CADPS2: variants seen among roughly 807,000 people sequenced by gnomAD.
CADPS2 encodes calcium dependent secretion activator 2, also known as calcium-dependent secretion activator 2.
CADPS2 carries 93 observed loss-of-function variants against 172.5 expected under a neutral mutation model. The observed-to-expected ratio is 0.54, with a 90% CI of 0.46 to 0.64. CADPS2 has a LOEUF of 0.64. CADPS2 is among the 30% of genes least tolerant of loss of function. The probability of loss-of-function intolerance (pLI) is 0.00; values close to 1 mark genes in which losing one functional copy is unlikely to be tolerated. For synonymous variants in CADPS2, 546 were observed against 555.2 expected (o/e 0.98, Z 0.23); for missense variants, 1,420 against 1,565.9 (o/e 0.91, Z 1.57).
chr7:122,624,655 CTTCCT>C (rs1439528111), intron 4 of CADPS2, among the ~76,000 whole-genome samples: 2 of 152,230 alleles, frequency 1.3e-5, no homozygotes, highest in Non-Finnish European at 2.9e-5. Flanking sequence ...GGTATTCTCT[CTTCCT>C]TTCAATTCAA....
At chr7:122,437,805 AAAG>A (rs1563336761) in intron 17 of CADPS2, among the ~76,000 whole-genome samples, 2 of 131,832 alleles carry the variant, frequency 1.5e-5, no homozygotes. Context: ...AAGCCTGAAG[AAAG>A]AAAAAAAAAA....
chr7:122,874,202 G>C (rs780400777), intron 1 of CADPS2, among the ~76,000 whole-genome samples: 61 of 152,184 alleles, frequency 4.0e-4, no homozygotes, highest in Non-Finnish European at 4.1e-4. Context: ...TGTTGACATT[G>C]CTTTTGGTGT....
rs971301172 is a variant in CADPS2 at position 122,613,386 on chromosome 7, G to A, written c.1223+1795C>T. ...ATGGCACTTGATACTGGCATTGCACGTCAGGCAAGAAAATTGTAATGGTGC... is the reference window on the plus strand; with the variant it reads ...ATGGCACTTGATACTGGCATTGCACATCAGGCAAGAAAATTGTAATGGTGC... On this transcript the variant is annotated intron_variant, in intron 6 of 29. Transcript: ENST00000449022. Among the ~76,000 whole-genome samples the A allele has an allele frequency of 3.0e-4, 46 of 152,016 alleles. 1 individual carries two copies. Among genetic ancestry groups the A allele is most frequent in the African/African-American group, 4.8e-4 (20 of 41,406 alleles).
At chr7:122,541,832 CAT>C (rs5887098) in intron 8 of CADPS2, among the ~76,000 whole-genome samples, 10,634 of 91,382 alleles carry the variant, frequency 0.12, 494 homozygotes, top group African/African-American at 0.13. Context: ...TTTATATATT[CAT>C]ATGTTTATAT....
chr7:122,840,610 G>A (rs886245786), intron 1 of CADPS2, among the ~76,000 whole-genome samples: 8 of 150,256 alleles, frequency 5.3e-5, no homozygotes, highest in Non-Finnish European at 8.9e-5. Context: ...AGGGTAGGCC[G>A]AATTACCAAA....
At chr7:122,748,467 C>G (rs1022883961) in intron 1 of CADPS2, among the ~76,000 whole-genome samples, 15 of 152,106 alleles carry the variant, frequency 9.9e-5, no homozygotes, top group African/African-American at 3.6e-4. Context: ...ATTCCGACAG[C>G]CTCAGGAGCA....
chr7:122,410,977 T>G (rs2047234928), intron 19 of CADPS2, among the ~76,000 whole-genome samples: 1 of 152,154 alleles, frequency 6.6e-6, no homozygotes, highest in Non-Finnish European at 1.5e-5. Context: ...AGTCATACAG[T>G]TGGTAGATAA....
chr7:122,405,797 A>G (rs1205935642), intron 20 of CADPS2, among the ~76,000 whole-genome samples: 1 of 152,226 alleles, frequency 6.6e-6, no homozygotes, highest in African/African-American at 2.4e-5. Flanking sequence ...GTAAGCTTAT[A>G]ATAGCATCTT....
At chr7:122,779,066 C>A (rs2093967960) in intron 1 of CADPS2, among the ~76,000 whole-genome samples, 1 of 152,200 alleles carries the variant, frequency 6.6e-6, no homozygotes. Flanking sequence ...TCTTGTCTGC[C>A]ACCACGTAAG....
chr7:122,655,541 A>G (rs2079643176), intron 3 of CADPS2, among the ~76,000 whole-genome samples: 1 of 152,156 alleles, frequency 6.6e-6, no homozygotes, highest in South Asian at 2.1e-4. Flanking sequence ...TTTTAAACAT[A>G]ATTCTATTAT....
intron 11 of CADPS2, among the ~76,000 whole-genome samples, chr7:122,481,284 C>G (rs1563463233): frequency 6.6e-6 from 1 of 151,424 alleles, no homozygotes; most frequent in Non-Finnish European, 1.5e-5. Context: ...GAGGTCTGCC[C>G]TGATTTAAAA....
intron 1 of CADPS2, among the ~76,000 whole-genome samples, chr7:122,873,661 T>C (rs1056016516): frequency 2.0e-5 from 3 of 152,210 alleles, no homozygotes; most frequent in East Asian, 1.9e-4. Flanking sequence ...AGTATAATGA[T>C]TTATAATCCT....
At chr7:122,398,521 C>A (rs1256312214) in intron 20 of CADPS2, among the ~76,000 whole-genome samples, 2 of 152,120 alleles carry the variant, frequency 1.3e-5, no homozygotes, top group African/African-American at 4.8e-5. Context: ...AATCAACAGA[C>A]TTTGCCATAA....
At chr7:122,451,294 T>C in intron 15 of CADPS2, 80 bp downstream of exon 15, 1 of 643,382 alleles carries the variant, frequency 1.6e-6, no homozygotes. Flanking sequence ...AGTAGAATGA[T>C]ATAATAAACA....
rs574509259 is a variant in CADPS2 at position 122,482,142 on chromosome 7, G to A, written c.1853-1282C>T. ...TAGCCACGAGCTCAACACATTCCTC[G>A]GGCATTCCTTGCACTCAGGATGTTA... On this transcript the variant is annotated intron_variant, in intron 11 of 29. Transcript: ENST00000449022. Among the ~76,000 whole-genome samples, 287 of 152,106 alleles carry A rather than the reference G, an allele frequency of 1.9e-3. 2 individuals carry two copies. Among genetic ancestry groups the A allele is most frequent in the African/African-American group, 6.4e-3 (267 of 41,472 alleles).
chr7:122,575,744 T>C (rs1206858151), intron 7 of CADPS2, among the ~76,000 whole-genome samples: 2 of 152,178 alleles, frequency 1.3e-5, no homozygotes, highest in African/African-American at 4.8e-5. Context: ...GACAGAAATG[T>C]TAATTTCTTA....
intron 1 of CADPS2, among the ~76,000 whole-genome samples, chr7:122,762,106 T>C (rs908464307): frequency 6.6e-6 from 1 of 151,164 alleles, no homozygotes; most frequent in South Asian, 2.1e-4. Flanking sequence ...GTAATATACA[T>C]GTGTATATAT....
Position 122,677,592 on chromosome 7 carries a change from A to T in CADPS2, c.454-14023T>A, listed in dbSNP as rs137897326. Among the ~76,000 whole-genome samples, 136 of 152,352 alleles carry T rather than the reference A, an allele frequency of 8.9e-4. 2 individuals carry two copies. In the East Asian group the frequency reaches 0.023, roughly 26 times the overall value. ...AATTTATTTTAGGGACTTCATGTAT[A>T]TTAACCCTCACAACTGCATAAAGAA... On this transcript the variant is annotated intron_variant, in intron 2 of 29. Transcript: ENST00000449022.
chr7:122,581,551 G>A (rs1238838081), intron 6 of CADPS2, among the ~76,000 whole-genome samples: 1 of 152,028 alleles, frequency 6.6e-6, no homozygotes, highest in African/African-American at 2.4e-5. Context: ...TTAGGTTAAG[G>A]TAAAGCAATA....
Sources: gnomAD v4.1 joint callset for allele counts (sites outside exome capture counted in the v4.1 genomes callset) on GRCh38, gnomAD v4.1.1 for gene constraint, MANE v1.5 for transcripts, NCBI Gene and HGNC (gene_info 2026-07-23, HGNC 2026-07-21) for gene names.